PCDH11X: variants seen among roughly 807,000 people sequenced by gnomAD.
PCDH11X encodes protocadherin-11 X-linked.
In PCDH11X, 18 loss-of-function variants were observed where a neutral mutation model predicts 53.3. The observed-to-expected ratio is 0.34, with a 90% confidence interval of 0.23 to 0.50. The LOEUF is 0.50. Ranked by LOEUF, PCDH11X falls within the 20% of genes least tolerant of loss-of-function variation. PCDH11X has a pLI of 0.98. For missense variants in PCDH11X, 570 were observed against 1,032.4 expected (o/e 0.55, Z 6.14); for synonymous variants, 279 against 393.3 (o/e 0.71, Z 3.44).
intron 10 of PCDH11X, among the ~76,000 whole-genome samples, chrX:92,492,150 A>G (rs2073777771): frequency 8.9e-6 from 1 of 112,026 alleles, no homozygotes; most frequent in African/African-American, 3.2e-5. Context: ...AACTACTGTG[A>G]GCTGTGATTA....
intron 5 of PCDH11X, among the ~76,000 whole-genome samples, chrX:91,849,748 C>T (rs977554351): frequency 9.5e-6 from 1 of 105,543 alleles, no homozygotes; most frequent in African/African-American, 3.4e-5. Context: ...ATTACCTGAG[C>T]ATTGCTTTAA....
intron 6 of PCDH11X, chrX:91,883,354 A>T (rs1317036107): frequency 2.7e-6 from 2 of 745,769 alleles, no homozygotes; most frequent in African/African-American, 4.9e-5. Flanking sequence ...GAGCTGAACT[A>T]GCCAAACTAC....
At chrX:91,854,395 A>C (rs1938203345) in intron 5 of PCDH11X, among the ~76,000 whole-genome samples, 1 of 112,178 alleles carries the variant, frequency 8.9e-6, no homozygotes, top group African/African-American at 3.2e-5. Context: ...TTACCCATTC[A>C]TCTGTTGATG....
At chrX:92,261,718 G>A (rs1364355433) in intron 7 of PCDH11X, among the ~76,000 whole-genome samples, 1 of 111,947 alleles carries the variant, frequency 8.9e-6, no homozygotes, top group Non-Finnish European at 1.9e-5. Flanking sequence ...AAGTTTTGGT[G>A]ATGTTATAGT....
At chrX:92,137,621 C>T (rs1175313279) in intron 6 of PCDH11X, among the ~76,000 whole-genome samples, 1 of 110,887 alleles carries the variant, frequency 9.0e-6, no homozygotes, top group Non-Finnish European at 1.9e-5. Flanking sequence ...GCAACTACCA[C>T]TACAATTAAT....
At chrX:92,247,693 A>G (rs2067376796) in intron 7 of PCDH11X, among the ~76,000 whole-genome samples, 1 of 111,300 alleles carries the variant, frequency 9.0e-6, no homozygotes, top group African/African-American at 3.3e-5. Flanking sequence ...CCTTCTCTTC[A>G]TGTGTTGTTG....
intron 7 of PCDH11X, among the ~76,000 whole-genome samples, chrX:92,252,465 G>T (rs1054220542): frequency 9.0e-6 from 1 of 110,740 alleles, no homozygotes; most frequent in African/African-American, 3.3e-5. Flanking sequence ...AGACAAATAT[G>T]TATTGAGGAT....
chrX:92,289,503 G>A (rs1325369298), intron 8 of PCDH11X, among the ~76,000 whole-genome samples: 2 of 111,479 alleles, frequency 1.8e-5, no homozygotes, highest in African/African-American at 6.5e-5. Flanking sequence ...GAGTACTTAC[G>A]CACTGATGAA....
At position 92,437,107 on chromosome X, in the gene PCDH11X, G is replaced by A. The variant is rs182205361; in HGVS notation, c.3344-31192G>A. Among the ~76,000 whole-genome samples the A allele has an allele frequency of 1.8e-3, 202 of 110,440 alleles. 1 individual carries two copies. Among genetic ancestry groups the A allele is most frequent in the African/African-American group, 6.3e-3 (191 of 30,530 alleles). ...GCATGCCTGTATCAAAACATCTCAT[G>A]TATCCCATAAATATATACACCTACT... is the stretch of plus-strand genomic sequence containing the variant. On this transcript the variant is annotated intron_variant, in intron 9 of 10. Transcript: ENST00000682573.
chrX:92,128,420 T>A (rs12556426), intron 6 of PCDH11X, among the ~76,000 whole-genome samples: 9,816 of 103,967 alleles, frequency 0.094, 616 homozygotes, highest in East Asian at 0.42. Flanking sequence ...TTTTGGAGAC[T>A]GAGTCTGCCT....
At chrX:92,013,906 G>A (rs1177023968) in intron 6 of PCDH11X, among the ~76,000 whole-genome samples, 2 of 111,787 alleles carry the variant, frequency 1.8e-5, no homozygotes, top group Non-Finnish European at 3.8e-5. Context: ...AGACTTAAAT[G>A]TTAGACCTAA....
intron 6 of PCDH11X, among the ~76,000 whole-genome samples, chrX:92,091,063 G>A (rs774384650): frequency 9.0e-6 from 1 of 111,720 alleles, no homozygotes; most frequent in Admixed American, 9.5e-5. Context: ...CATAATTCAT[G>A]AACCACTCTG....
chrX:92,125,059 A>G (rs1364236665), intron 6 of PCDH11X, among the ~76,000 whole-genome samples: 2 of 112,129 alleles, frequency 1.8e-5, no homozygotes, highest in Non-Finnish European at 3.8e-5. Flanking sequence ...TGAAAGAATA[A>G]CAAATGCAAT....
At position 92,424,321 on chromosome X, in the gene PCDH11X, C is replaced by A. The variant is rs1357151980; in HGVS notation, c.3343+36388C>A. ...TTTTTTTCTTTATTTGTTTAACCGG[C>A]AGTTGTTCTAGTATCTGTTAAATTT... On this transcript the variant is annotated intron_variant, in intron 9 of 10. Coordinates refer to ENST00000682573, the MANE Select transcript of PCDH11X (RefSeq NM_032968.5). 3.9e-4 allele frequency among the ~76,000 whole-genome samples: 37 copies of A among 94,821 alleles called. 1 individual carries two copies. Among genetic ancestry groups the A allele is most frequent in the African/African-American group, 1.1e-3 (33 of 29,419 alleles). The allele number at this position is 94,821 out of a possible 115,157, so 82.3% of individuals were successfully genotyped here.
chrX:92,137,154 C>G (rs1245222769), intron 6 of PCDH11X, among the ~76,000 whole-genome samples: 2 of 109,636 alleles, frequency 1.8e-5, no homozygotes, highest in African/African-American at 6.6e-5. Context: ...CCACTATGCC[C>G]AGTTAGTCTT....
intron 6 of PCDH11X, among the ~76,000 whole-genome samples, chrX:92,114,871 G>A (rs745715153): frequency 6.3e-4 from 69 of 109,971 alleles, no homozygotes; most frequent in Non-Finnish European, 8.7e-4. Context: ...TTGCTCTGTC[G>A]TCCAGGCTGG....
At chrX:92,255,450 C>G (rs1269189060) in intron 7 of PCDH11X, among the ~76,000 whole-genome samples, 2 of 108,775 alleles carry the variant, frequency 1.8e-5, no homozygotes, top group Admixed American at 9.8e-5. Context: ...TCGTCAAAGT[C>G]ATTCTCCGTC....
Position 91,872,429 on chromosome X carries a change from A to T in PCDH11X, c.541-4352A>T, listed in dbSNP as rs190693135. 3.1e-3 allele frequency among the ~76,000 whole-genome samples: 348 copies of T among 110,932 alleles called. 1 individual carries two copies. The highest frequency in any genetic ancestry group is 3.3e-3 in the Non-Finnish European group (173 of 52,646). ...TTCTGCTCTTCTTTTATCTTTTAAA[A>T]TAAGAGCCACTACTTTAATTCATGC... On this transcript the variant is annotated intron_variant, in intron 5 of 10. Coordinates refer to ENST00000682573, the MANE Select transcript of PCDH11X (RefSeq NM_032968.5).
At chrX:92,065,770 G>A (rs2148070745) in intron 6 of PCDH11X, among the ~76,000 whole-genome samples, 1 of 108,175 alleles carries the variant, frequency 9.2e-6, no homozygotes, top group South Asian at 4.2e-4. Flanking sequence ...TCTCTTGTCA[G>A]ATGGATAGTT....
Sources: gnomAD v4.1 joint callset for allele counts (sites outside exome capture counted in the v4.1 genomes callset) on GRCh38, gnomAD v4.1.1 for gene constraint, MANE v1.5 for transcripts, NCBI Gene and HGNC (gene_info 2026-07-23, HGNC 2026-07-21) for gene names.